The following WNK2 variants were observed in gnomAD, a reference collection of about 807,000 sequenced individuals.
The protein encoded by WNK2 is serine/threonine-protein kinase WNK2.
In WNK2, 67 loss-of-function variants were observed where a neutral mutation model predicts 192.1. The ratio of observed to expected loss-of-function variants is 0.35; its 90% confidence interval spans 0.29 to 0.43. The LOEUF is 0.43. Among genes scored for constraint, WNK2 ranks in the 20% least tolerant of loss-of-function variants. WNK2 has a pLI of 1.00. For missense variants in WNK2, 2,698 were observed against 3,089.7 expected (o/e 0.87, Z 3.01); for synonymous variants, 1,439 against 1,393.9 (o/e 1.03, Z -0.72).
intron 8 of WNK2, among the ~76,000 whole-genome samples, chr9:93,250,234 C>G (rs1031627468): frequency 6.6e-6 from 1 of 152,208 alleles, no homozygotes; most frequent in Non-Finnish European, 1.5e-5. Flanking sequence ...CACACGTGAA[C>G]ACCTGCACAC....
intron 29 of WNK2, chr9:93,319,353 G>A (rs1241016841): frequency 2.9e-6 from 4 of 1,375,290 alleles, no homozygotes; most frequent in Non-Finnish European, 3.8e-6. Flanking sequence ...GGCTGCGGGT[G>A]CTGGGCTGGG....
At chr9:93,237,751 C>G (rs1186432064) in intron 5 of WNK2, among the ~76,000 whole-genome samples, 1 of 152,218 alleles carries the variant, frequency 6.6e-6, no homozygotes, top group Non-Finnish European at 1.5e-5. Flanking sequence ...CCTGCAGCTC[C>G]CTGTGGTTCT....
At position 93,318,599 on chromosome 9, in the gene WNK2, G is replaced by A. The variant is rs190749975; in HGVS notation, c.6628+968G>A. ...TTGGGCATAGAAACCCTGGCTGCCC[G>A]CCCACCCTGTGGAGACAAGTGCAGC... On this transcript the variant is annotated intron_variant, in intron 29 of 29. Transcript: ENST00000427277. The A allele has an allele frequency of 4.5e-5, 72 of 1,599,872 alleles. 1 individual carries two copies. Among genetic ancestry groups the A allele is most frequent in the East Asian group, 2.3e-4 (10 of 44,404 alleles).
chr9:93,289,554 G>A lies in WNK2; in HGVS notation c.4800G>A (p.Gly1600=), dbSNP rs780653789. The A allele has an allele frequency of 2.0e-5, 31 of 1,559,856 alleles. No individual in the cohort carries two copies. Among genetic ancestry groups the A allele is most frequent in the South Asian group, 4.7e-5 (4 of 85,554 alleles). The change falls in exon 20 of 30, where the codon GGG becomes GGA. Residue 1600 remains glycine (G), a synonymous_variant. Transcript: ENST00000427277. ...AGCCCCGCTCAGAGGTCTGCGGGGG[G>A]GACCTGGCCCTGCCCCCAGTGCCTA... ...GDQPRSEVCG[G]DLALPPVPKE...
chr9:93,221,784 G>A (rs1011536368), intron 2 of WNK2, among the ~76,000 whole-genome samples: 13 of 152,160 alleles, frequency 8.5e-5, no homozygotes, highest in African/African-American at 3.1e-4. Flanking sequence ...AGAGGCTTTC[G>A]GGAAGAGCCG....
chr9:93,259,681 AAGG>A lies in WNK2; in HGVS notation c.3066+72_3066+74del. ...GGGACCCTCAGGACCCAGAGATGCA[AAGG>A]AGGACAGAGGCAGGCAAGGAGGCAG... On this transcript the variant is annotated intron_variant, in intron 12 of 29. Transcript: ENST00000427277. The surrounding 1 kb of genome is among the most constrained non-coding windows in gnomAD (Gnocchi z 4.8). The A allele has an allele frequency of 6.5e-6, 9 of 1,395,200 alleles. No homozygotes were observed. The highest frequency in any genetic ancestry group is 8.5e-6 in the Non-Finnish European group (9 of 1,055,056). The allele number at this position is 1,395,200 out of a possible 1,614,324, so 86.4% of individuals were successfully genotyped here. A position where few individuals can be genotyped will look rare whatever the true frequency, so the allele number is the denominator to read the frequency against.
At chr9:93,205,790 C>T (rs1833263105) in intron 2 of WNK2, among the ~76,000 whole-genome samples, 1 of 152,176 alleles carries the variant, frequency 6.6e-6, no homozygotes, top group Non-Finnish European at 1.5e-5. Context: ...TTCTTCGTGG[C>T]CCCTTGAGTG....
At chr9:93,296,917 A>C (rs1588525405) in intron 23 of WNK2, among the ~76,000 whole-genome samples, 1 of 32,806 alleles carries the variant, frequency 3.0e-5, no homozygotes, top group Non-Finnish European at 6.2e-5. Context: ...TCCCCTCCCC[A>C]TTCTACCTCC....
At chr9:93,312,434 G>C (rs1313341627) in intron 28 of WNK2, among the ~76,000 whole-genome samples, 1 of 152,082 alleles carries the variant, frequency 6.6e-6, no homozygotes, top group East Asian at 1.9e-4. Context: ...GAGTGCAGTG[G>C]CATGATCTCA....
At chr9:93,256,205 G>A in intron 9 of WNK2, 94 bp from the exon 10 acceptor site, 1 of 1,355,058 alleles carries the variant, frequency 7.4e-7, no homozygotes, top group Admixed American at 3.1e-5. Flanking sequence ...TAGGGACCAG[G>A]CACAGGGATG....
chr9:93,194,332 T>A (rs1830855822), intron 2 of WNK2, among the ~76,000 whole-genome samples: 1 of 152,154 alleles, frequency 6.6e-6, no homozygotes, highest in Non-Finnish European at 1.5e-5. Flanking sequence ...AGGACTGTTA[T>A]CCAAAATTTA....
Position 93,253,032 on chromosome 9 carries a change from C to T in WNK2, c.1984C>T (p.Leu662=). The change falls in exon 9 of 30, where the codon CTG becomes TTG. Residue 662 remains leucine (L), a synonymous_variant. Coordinates refer to ENST00000427277, the MANE Select transcript of WNK2 (RefSeq NM_006648.4). ...CCCCCCTGTGAGCGAGGGGCCCGTC[C>T]TGCCGCAGAGCCTGCCCTCGCTGGG... The part of the protein sequence containing the change: ...CSPPVSEGPV[L]PQSLPSLGAY... 6.5e-7 allele frequency: 1 copy of T among 1,543,252 alleles called. No individual in the cohort carries two copies. Among genetic ancestry groups the T allele is most frequent in the Non-Finnish European group, 8.7e-7 (1 of 1,146,186 alleles).
At chr9:93,264,797 C>T (rs746721702) in intron 16 of WNK2, among the ~76,000 whole-genome samples, 2 of 152,222 alleles carry the variant, frequency 1.3e-5, no homozygotes, top group Non-Finnish European at 2.9e-5. Flanking sequence ...AGTGTTGTAG[C>T]GCTCACTCCA....
chr9:93,189,580 T>C (rs1206660726), intron 2 of WNK2, among the ~76,000 whole-genome samples: 2 of 152,226 alleles, frequency 1.3e-5, no homozygotes, highest in Non-Finnish European at 2.9e-5. Context: ...GAGTGGATGA[T>C]GCCAGAGGAG....
intron 6 of WNK2, among the ~76,000 whole-genome samples, chr9:93,238,807 G>A (rs972032358): frequency 2.6e-5 from 4 of 152,166 alleles, no homozygotes; most frequent in Non-Finnish European, 2.9e-5. Context: ...TAGCAGGCCT[G>A]GAACCGCTCC....
intron 2 of WNK2, among the ~76,000 whole-genome samples, chr9:93,190,549 G>T (rs912672614): frequency 2.6e-5 from 4 of 152,252 alleles, no homozygotes; most frequent in African/African-American, 9.6e-5. Flanking sequence ...CATTGCAAAT[G>T]ATTTGATTTG....
intron 28 of WNK2, among the ~76,000 whole-genome samples, chr9:93,314,213 C>T (rs985857923): frequency 6.6e-6 from 1 of 151,990 alleles, no homozygotes. Flanking sequence ...ACCTGGGAGG[C>T]AGAGGTTGCA....
chr9:93,259,764 G>A lies in WNK2; in HGVS notation c.3066+150G>A, dbSNP rs944070278. On this transcript the variant is annotated intron_variant, in intron 12 of 29. Coordinates refer to ENST00000427277, the MANE Select transcript of WNK2 (RefSeq NM_006648.4). This position sits in a 1 kb window ranked among gnomAD's most constrained non-coding sequence, Gnocchi z 4.8. ...AGATGTGTGTGAGGCTGAGGGAGGC[G>A]GGGGCTGGCGCCAGCGCGAGGCATC... 4 of 747,826 alleles carry A rather than the reference G, an allele frequency of 5.3e-6. No individual in the cohort carries two copies. Among genetic ancestry groups the A allele is most frequent in the Non-Finnish European group, 8.4e-6 (4 of 477,346 alleles). 46.3% of individuals were successfully genotyped at this position (747,826 alleles called of 1,614,324 possible). A position where few individuals can be genotyped will look rare whatever the true frequency, so the allele number is the denominator to read the frequency against.
intron 19 of WNK2, among the ~76,000 whole-genome samples, chr9:93,281,023 A>C (rs757350206): frequency 6.6e-6 from 1 of 152,236 alleles, no homozygotes; most frequent in African/African-American, 2.4e-5. Flanking sequence ...TAGAAAATGC[A>C]GTTATTTGTG....
Sources: gnomAD v4.1 joint callset for allele counts (sites outside exome capture counted in the v4.1 genomes callset) on GRCh38, gnomAD v4.1.1 for gene constraint, Gnocchi (gnomAD v3.1) non-coding constraint, MANE v1.5 for transcripts, NCBI Gene and HGNC (gene_info 2026-07-23, HGNC 2026-07-21) for gene names.